The following TTC17 variants were observed in gnomAD, a reference collection of about 807,000 sequenced individuals.
The protein encoded by TTC17 is tetratricopeptide repeat domain 17.
A neutral mutation model predicts 143.8 loss-of-function variants in TTC17; 58 were observed. The observed-to-expected ratio is 0.40, with a 90% CI of 0.33 to 0.50. The LOEUF is 0.50. Among genes scored for constraint, TTC17 ranks in the 20% least tolerant of loss-of-function variants. The pLI, the probability that TTC17 is intolerant of heterozygous loss-of-function variation, is 0.49. For synonymous variants in TTC17, 501 were observed against 497.8 expected (o/e 1.01, Z -0.09); for missense variants, 1,273 against 1,392.5 (o/e 0.91, Z 1.37).
chr11:43,464,070 G>T (rs1947922832), intron 21 of TTC17, among the ~76,000 whole-genome samples: 1 of 152,126 alleles, frequency 6.6e-6, no homozygotes, highest in Non-Finnish European at 1.5e-5. Flanking sequence ...GAGGTCAGGA[G>T]TTCAAGACCA....
intron 1 of TTC17, among the ~76,000 whole-genome samples, chr11:43,377,473 T>TTAA (rs1856805397): frequency 6.6e-6 from 1 of 152,166 alleles, no homozygotes; most frequent in Non-Finnish European, 1.5e-5. Flanking sequence ...CAAAGACAAG[T>TTAA]CATACATCTT....
intron 15 of TTC17, among the ~76,000 whole-genome samples, chr11:43,412,076 A>G (rs1035332243): frequency 6.6e-6 from 1 of 152,272 alleles, no homozygotes; most frequent in African/African-American, 2.4e-5. Context: ...AAAACACTAT[A>G]GATGTATTTC....
At chr11:43,361,808 C>G (rs1200718158) in intron 1 of TTC17, among the ~76,000 whole-genome samples, 2 of 152,088 alleles carry the variant, frequency 1.3e-5, no homozygotes, top group Non-Finnish European at 2.9e-5. Flanking sequence ...AGGCAAAGGG[C>G]TAAGGGCTAA....
intron 5 of TTC17, among the ~76,000 whole-genome samples, chr11:43,394,032 A>G (rs1196145600): frequency 2.0e-5 from 3 of 152,200 alleles, no homozygotes; most frequent in African/African-American, 7.2e-5. Flanking sequence ...AAGGACACTT[A>G]TAGGAAGAAA....
At chr11:43,469,359 G>A (rs1433279925) in intron 21 of TTC17, among the ~76,000 whole-genome samples, 1 of 152,092 alleles carries the variant, frequency 6.6e-6, no homozygotes, top group African/African-American at 2.4e-5. Context: ...TAATTTTGCT[G>A]CTAGAAATGT....
At chr11:43,395,099 CTTTTT>C (rs34977501) in intron 5 of TTC17, among the ~76,000 whole-genome samples, 1 of 137,450 alleles carries the variant, frequency 7.3e-6, no homozygotes, top group Non-Finnish European at 1.6e-5. Flanking sequence ...TCATGTAGAA[CTTTTT>C]TTTTTTTTTT....
chr11:43,452,839 C>T (rs532787875), intron 21 of TTC17, among the ~76,000 whole-genome samples: 41 of 151,774 alleles, frequency 2.7e-4, no homozygotes, highest in African/African-American at 9.9e-4. Flanking sequence ...GGAAGGATCG[C>T]TTGAGCCCAG....
chr11:43,484,972 A>G (rs1261863682), intron 21 of TTC17, among the ~76,000 whole-genome samples: 8 of 151,736 alleles, frequency 5.3e-5, no homozygotes, highest in Non-Finnish European at 1.2e-4. Context: ...ATGCCTGATG[A>G]TCTGTCACTG....
In TTC17 at chr11:43,493,854, C is replaced by T; in HGVS notation, c.3376C>T (p.Gln1126Ter). The change falls in exon 24 of 24, where the codon CAG becomes TAG. Residue 1126 changes from glutamine to a stop codon, truncating the protein, a stop_gained. Coordinates refer to ENST00000039989, the MANE Select transcript of TTC17 (RefSeq NM_018259.6). LOFTEE classifies it high-confidence loss of function. ...PEFVPAKNRI[Q>*]TIQCHLMLKK... ...GTTTGTCCCAGCCAAGAACCGAATCCAGACCATCCAGTGTCACTTAATGCT... is the reference window on the plus strand; with the variant it reads ...GTTTGTCCCAGCCAAGAACCGAATCTAGACCATCCAGTGTCACTTAATGCT... 6.2e-7 allele frequency: 1 copy of T among 1,614,012 alleles called. No homozygotes were observed. The highest frequency in any genetic ancestry group is 8.5e-7 in the Non-Finnish European group (1 of 1,179,956).
At chr11:43,492,320 C>T (rs181590308) in intron 23 of TTC17, among the ~76,000 whole-genome samples, 157 bp downstream of exon 23, 63 of 152,212 alleles carry the variant, frequency 4.1e-4, no homozygotes, top group Non-Finnish European at 6.9e-4. Flanking sequence ...GATAAGGGTT[C>T]GAGAGGTTTT....
rs145685298 is a variant in TTC17, at chr11:43,414,933, A to G, written c.2251+157A>G. Among the ~76,000 whole-genome samples, 27 of 152,268 alleles carry G rather than the reference A, an allele frequency of 1.8e-4. No individual in the cohort carries two copies. In the East Asian group the frequency reaches 5.0e-3, roughly 28 times the overall value. ...AGGAAAAGATGTTAATTCCTTACTT[A>G]CTATAGATGCCTTAGGGTATTAAGG... On this transcript the variant is annotated intron_variant, in intron 16 of 23. Coordinates refer to ENST00000039989, the MANE Select transcript of TTC17 (RefSeq NM_018259.6).
At chr11:43,480,494 C>A (rs559249966) in intron 21 of TTC17, among the ~76,000 whole-genome samples, 37 of 152,138 alleles carry the variant, frequency 2.4e-4, no homozygotes, top group African/African-American at 8.9e-4. Flanking sequence ...CCAAGAGTGC[C>A]GTTCTAAAGA....
At chr11:43,432,235 A>AG (rs11441550) in intron 16 of TTC17, among the ~76,000 whole-genome samples, 149,599 of 152,340 alleles carry the variant, frequency 0.98, 73,508 homozygotes, top group East Asian at 1. Flanking sequence ...TACTTTGACA[A>AG]GTATATTAAA....
In TTC17 at chr11:43,443,352, C is replaced by G. The variant is rs768367261; in HGVS notation, c.2279C>G (p.Ser760Cys). Residue 760 changes from serine to cysteine, a missense_variant, in exon 17 of 24, where the codon TCT (serine) becomes TGT (cysteine). Transcript: ENST00000039989. ...ACGGTGGTTGAGGAGAGCAATGGTTCTGATGAGATGGAGAATTCAGATGAA... is the reference window on the plus strand; with the variant it reads ...ACGGTGGTTGAGGAGAGCAATGGTTGTGATGAGATGGAGAATTCAGATGAA... ...SGTVVEESNG[S>C]DEMENSDETK... 3 of 1,613,976 alleles carry G rather than the reference C, an allele frequency of 1.9e-6. No individual in the cohort carries two copies. Among genetic ancestry groups the G allele is most frequent in the Non-Finnish European group, 2.5e-6 (3 of 1,179,980 alleles).
chr11:43,461,390 CAAAAA>C (rs750240102), intron 21 of TTC17, among the ~76,000 whole-genome samples: 7 of 36,038 alleles, frequency 1.9e-4, no homozygotes, highest in African/African-American at 5.1e-4. Flanking sequence ...AACTCCGTCT[CAAAAA>C]AAAAAAAAAA....
chr11:43,359,184 G>A (rs890758824), intron 1 of TTC17, 71 bp downstream of exon 1: 8 of 1,452,294 alleles, frequency 5.5e-6, no homozygotes, highest in Non-Finnish European at 6.4e-6. Context: ...CTTGGCCCCT[G>A]GCTGTTGGGC....
chr11:43,424,908 C>T (rs749719350), intron 16 of TTC17, among the ~76,000 whole-genome samples: 1 of 152,126 alleles, frequency 6.6e-6, no homozygotes, highest in Non-Finnish European at 1.5e-5. Context: ...ATAGTTCCCC[C>T]TAGTCATTTA....
intron 16 of TTC17, among the ~76,000 whole-genome samples, chr11:43,416,522 T>C (rs142509652): frequency 6.6e-6 from 1 of 152,298 alleles, no homozygotes; most frequent in Admixed American, 6.5e-5. Context: ...CTTGAACTTT[T>C]TCCCCAGAAT....
intron 15 of TTC17, among the ~76,000 whole-genome samples, chr11:43,412,946 G>A (rs1178728878): frequency 6.7e-6 from 1 of 149,304 alleles, no homozygotes; most frequent in East Asian, 2.0e-4. Flanking sequence ...TTGATAAGTT[G>A]ATTCTAATAT....
Sources: allele counts gnomAD v4.1 joint callset (sites outside exome capture counted in the v4.1 genomes callset), GRCh38; gene constraint gnomAD v4.1.1; transcripts MANE v1.5; gene names NCBI Gene and HGNC (gene_info 2026-07-23, HGNC 2026-07-21).